Variants in ANO3 observed in about 807,000 individuals in gnomAD.
The protein encoded by ANO3 is anoctamin-3.
In ANO3, 99 loss-of-function variants were observed where a neutral mutation model predicts 144.8. The observed-to-expected ratio is 0.68, with a 90% CI of 0.58 to 0.81. ANO3 has a LOEUF of 0.81. Ranked by LOEUF, ANO3 falls within the 30% of genes least tolerant of loss-of-function variation. ANO3 has a pLI of 0.00. For synonymous variants in ANO3, 414 were observed against 392.6 expected, an observed-to-expected ratio of 1.05 and a Z score of -0.64; for missense variants, 905 against 1,202.2, an observed-to-expected ratio of 0.75 and a Z score of 3.66.
chr11:26,236,534 A>G (rs1351679323), intron 1 of ANO3, among the ~76,000 whole-genome samples: 1 of 152,068 alleles, frequency 6.6e-6, no homozygotes, highest in Non-Finnish European at 1.5e-5. Flanking sequence ...GAATCTAAAA[A>G]TCGGCCGGGG....
chr11:26,292,207 C>T (rs148830273), intron 1 of ANO3, among the ~76,000 whole-genome samples: 285 of 152,270 alleles, frequency 1.9e-3, no homozygotes, highest in Middle Eastern at 3.4e-3. Context: ...CAATCAGTTA[C>T]TGACACTTGT....
chr11:26,490,485 T>C (rs73430214), intron 4 of ANO3, among the ~76,000 whole-genome samples: 8,163 of 152,306 alleles, frequency 0.054, 417 homozygotes, highest in African/African-American at 0.13. Context: ...AGCTTTGTGG[T>C]ATAAACTGTG....
intron 2 of ANO3, among the ~76,000 whole-genome samples, chr11:26,443,510 G>A (rs1314755147): frequency 6.6e-6 from 1 of 152,188 alleles, no homozygotes; most frequent in Non-Finnish European, 1.5e-5. Context: ...GCTGAGGCAC[G>A]AGAATCGCTT....
intron 1 of ANO3, among the ~76,000 whole-genome samples, chr11:26,313,618 C>T (rs946867463): frequency 2.0e-5 from 3 of 151,602 alleles, no homozygotes; most frequent in Non-Finnish European, 4.4e-5. Flanking sequence ...ATCCAGGAGG[C>T]AGAGGTTGCA....
At chr11:26,238,607 T>C (rs1042925461) in intron 1 of ANO3, among the ~76,000 whole-genome samples, 3 of 152,088 alleles carry the variant, frequency 2.0e-5, no homozygotes, top group African/African-American at 7.2e-5. Flanking sequence ...TCTACAAAAT[T>C]GAACAAATTA....
At chr11:26,421,559 T>G (rs529024136) in intron 1 of ANO3, among the ~76,000 whole-genome samples, 65 of 152,136 alleles carry the variant, frequency 4.3e-4, no homozygotes, top group African/African-American at 1.5e-3. Flanking sequence ...AATTTTTCTT[T>G]TATAGACATG....
At chr11:26,404,259 A>G (rs947224396) in intron 1 of ANO3, among the ~76,000 whole-genome samples, 1 of 151,860 alleles carries the variant, frequency 6.6e-6, no homozygotes, top group African/African-American at 2.4e-5. Flanking sequence ...CAGTCTTCAT[A>G]AAACTCTATT....
rs1356058451 is a variant in ANO3 at position 26,434,333 on chromosome 11, G to A, written c.47-7585G>A. On this transcript the variant is annotated intron_variant, in intron 1 of 26. Coordinates refer to ENST00000256737, the MANE Select transcript of ANO3 (RefSeq NM_031418.4). ...ATCATCTCTCTTTTCTTCTTTATTA[G>A]TCTAGCTATTGGCCTATGTACATCA... Among the ~76,000 whole-genome samples the A allele has an allele frequency of 5.9e-5, 9 of 151,780 alleles. No homozygotes were observed. In the East Asian group the frequency reaches 7.7e-4, roughly 13 times the overall value.
At chr11:26,567,394 A>G (rs1379370920) in intron 14 of ANO3, among the ~76,000 whole-genome samples, 1 of 151,866 alleles carries the variant, frequency 6.6e-6, no homozygotes, top group South Asian at 2.1e-4. Context: ...ATTGTGTGCC[A>G]TTTCTCAACA....
At chr11:26,320,820 T>C (rs1854741028) in intron 1 of ANO3, among the ~76,000 whole-genome samples, 1 of 152,176 alleles carries the variant, frequency 6.6e-6, no homozygotes, top group South Asian at 2.1e-4. Flanking sequence ...TGACCACTGC[T>C]TTATTATCTT....
chr11:26,208,130 C>T (rs759900874), intron 1 of ANO3: 1 of 152,132 alleles, frequency 6.6e-6, no homozygotes, highest in Admixed American at 6.5e-5. Flanking sequence ...TTAGTCTATT[C>T]GTGAGATCTC....
intron 4 of ANO3, among the ~76,000 whole-genome samples, chr11:26,474,620 G>T (rs1859894656): frequency 6.6e-6 from 1 of 151,846 alleles, no homozygotes; most frequent in South Asian, 2.1e-4. Context: ...TATGATGTAA[G>T]CTAGGGAACA....
chr11:26,435,127 A>G (rs935933184), intron 1 of ANO3, among the ~76,000 whole-genome samples: 3 of 152,118 alleles, frequency 2.0e-5, no homozygotes, highest in Non-Finnish European at 4.4e-5. Flanking sequence ...AATATTTAGG[A>G]TATTTAGGTC....
At chr11:26,345,818 G>A (rs1371525951) in intron 1 of ANO3, among the ~76,000 whole-genome samples, 1 of 152,148 alleles carries the variant, frequency 6.6e-6, no homozygotes, top group Non-Finnish European at 1.5e-5. Flanking sequence ...ATTAACTTAT[G>A]TAATTGTTTC....
chr11:26,211,339 C>G (rs757737656), intron 1 of ANO3, among the ~76,000 whole-genome samples: 76 of 152,104 alleles, frequency 5.0e-4, no homozygotes, highest in Non-Finnish European at 1.8e-4. Flanking sequence ...ACCTGAATCT[C>G]TGGGACACAG....
chr11:26,366,187 T>G (rs1856077968), intron 1 of ANO3, among the ~76,000 whole-genome samples: 1 of 151,554 alleles, frequency 6.6e-6, no homozygotes, highest in Non-Finnish European at 1.5e-5. Flanking sequence ...ATGTTCCCCC[T>G]CCTATGTCCA....
rs1043825349 is a variant in ANO3, at chr11:26,645,260, C to T, written c.2428+1926C>T. Reference sequence around the variant, plus strand: ...CAATGCTTAATCAATTTTTCCAAAACCATTTATTAAATAATTCAATTTTTG... The same window carrying T: ...CAATGCTTAATCAATTTTTCCAAAATCATTTATTAAATAATTCAATTTTTG... On this transcript the variant is annotated intron_variant, in intron 23 of 26. Coordinates refer to ENST00000256737, the MANE Select transcript of ANO3 (RefSeq NM_031418.4). Among the ~76,000 whole-genome samples the T allele has an allele frequency of 2.0e-5, 3 of 151,840 alleles. 1 individual carries two copies. Among genetic ancestry groups the T allele is most frequent in the Non-Finnish European group, 2.9e-5 (2 of 67,916 alleles).
chr11:26,300,041 G>A (rs1371632294), intron 1 of ANO3, among the ~76,000 whole-genome samples: 1 of 152,098 alleles, frequency 6.6e-6, no homozygotes, highest in African/African-American at 2.4e-5. Context: ...CTGGACCTGG[G>A]AAAAATATTT....
At chr11:26,259,572 TG>T (rs1187712392) in intron 1 of ANO3, among the ~76,000 whole-genome samples, 1 of 1,244 alleles carries the variant, frequency 8.0e-4, no homozygotes. Context: ...CGCTTGAACG[TG>T]GGGGTGGGGG....
Sources: allele counts gnomAD v4.1 joint callset (sites outside exome capture counted in the v4.1 genomes callset), GRCh38; gene constraint gnomAD v4.1.1; transcripts MANE v1.5; gene names NCBI Gene and HGNC (gene_info 2026-07-23, HGNC 2026-07-21).